Variants in ARHGAP17 observed in about 807,000 individuals in gnomAD.
The protein encoded by ARHGAP17 is rho GTPase-activating protein 17.
Under a neutral mutation model 99.5 loss-of-function variants are expected in ARHGAP17, and 57 were observed. The ratio of observed to expected loss-of-function variants is 0.57; its 90% confidence interval spans 0.46 to 0.71. The LOEUF is 0.71. Ranked by LOEUF, ARHGAP17 falls within the 30% of genes least tolerant of loss-of-function variation. The pLI is 0.00. For synonymous variants in ARHGAP17, 417 were observed against 429.6 expected, an observed-to-expected ratio of 0.97 and a Z score of 0.36; for missense variants, 1,000 against 1,122.4, an observed-to-expected ratio of 0.89 and a Z score of 1.56.
chr16:24,983,708 C>T (rs544516058), intron 1 of ARHGAP17, among the ~76,000 whole-genome samples: 7 of 152,296 alleles, frequency 4.6e-5, no homozygotes, highest in Non-Finnish European at 8.8e-5. Flanking sequence ...CTTGAAAACA[C>T]ACTTGAATGT....
intron 19 of ARHGAP17, among the ~76,000 whole-genome samples, chr16:24,926,915 A>G (rs1203896834): frequency 6.6e-6 from 1 of 152,190 alleles, no homozygotes; most frequent in Non-Finnish European, 1.5e-5. Flanking sequence ...TGAGTTTTTA[A>G]AACCCTGATA....
In ARHGAP17 at chr16:24,943,860, G is replaced by A; in HGVS notation, c.1244C>T (p.Thr415Ile). 6.2e-7 allele frequency: 1 copy of A among 1,614,042 alleles called. No homozygotes were observed. Among genetic ancestry groups the A allele is most frequent in the Non-Finnish European group, 8.5e-7 (1 of 1,179,954 alleles). Residue 415 changes from threonine to isoleucine, a missense_variant and splice_region_variant, in exon 15 of 20, where the codon ACA becomes ATA. Coordinates refer to ENST00000289968, the MANE Select transcript of ARHGAP17 (RefSeq NM_001006634.3). ...PNLLWARNEG[T>I]LAEMAAATSV... ...TGTGGCTGCTGCCATTTCAGCAAGTGTTCTGCAAAGCAAGTTCACAAAATT... is the reference window on the plus strand; with the variant it reads ...TGTGGCTGCTGCCATTTCAGCAAGTATTCTGCAAAGCAAGTTCACAAAATT...
intron 15 of ARHGAP17, 99 bp downstream of exon 15, chr16:24,943,672 G>A (rs546780499): frequency 4.0e-5 from 42 of 1,041,670 alleles, no homozygotes; most frequent in Admixed American, 2.6e-4. Flanking sequence ...AACCAATTAC[G>A]TAATCATGAA....
chr16:25,010,180 A>T (rs773818856), intron 1 of ARHGAP17, among the ~76,000 whole-genome samples: 2 of 151,332 alleles, frequency 1.3e-5, no homozygotes, highest in Non-Finnish European at 2.9e-5. Flanking sequence ...GGCTCAGTTG[A>T]TCCTCCCACC....
intron 13 of ARHGAP17, among the ~76,000 whole-genome samples, chr16:24,948,780 T>G (rs2051548344): frequency 6.6e-6 from 1 of 151,526 alleles, no homozygotes; most frequent in Non-Finnish European, 1.5e-5. Context: ...AGGAAAATTT[T>G]CTAGGGGCAC....
chr16:24,959,915 A>G lies in ARHGAP17; in HGVS notation c.638T>C (p.Val213Ala). 2 of 1,614,124 alleles carry G rather than the reference A, an allele frequency of 1.2e-6. No individual in the cohort carries two copies. Among genetic ancestry groups the G allele is most frequent in the Non-Finnish European group, 1.7e-6 (2 of 1,179,980 alleles). The change falls in exon 8 of 20, where the codon GTT becomes GCT. Residue 213 changes from valine (V) to alanine (A), a missense_variant. By Grantham distance (64) the Val-to-Ala change is moderately conservative. Around this residue, in one of 2 missense-constraint regions of ARHGAP17, gnomAD observed 472 missense variants for 611.1 expected, o/e 0.77. Coordinates refer to ENST00000289968, the MANE Select transcript of ARHGAP17 (RefSeq NM_001006634.3). ...TTCTCAAGGGAAGGTGCTTACCGTA[A>G]CAAAGAATTTGCCATACTCCCCTTC... ...AKEGEYGKFFVTLLEAQADYH... is the reference protein window; with the variant it reads ...AKEGEYGKFFATLLEAQADYH...
At chr16:24,944,526 T>A in intron 14 of ARHGAP17, among the ~76,000 whole-genome samples, 1 of 152,216 alleles carries the variant, frequency 6.6e-6, no homozygotes, top group East Asian at 1.9e-4. Context: ...GTGGTAGCTA[T>A]GTTCTAAGAC....
Position 24,943,802 on chromosome 16 carries a change from G to T in ARHGAP17, c.1302C>A (p.Ile434=), listed in dbSNP as rs183560520. 1 of 1,614,192 alleles carries T rather than the reference G, an allele frequency of 6.2e-7. No homozygotes were observed. The highest frequency in any genetic ancestry group is 2.2e-5 in the East Asian group (1 of 44,886). ...GGAAGAACCAGTCGGCATGCTGAAT[G>T]ATGGGTTCAATCACTGCAACCACAT... ...SVHVVAVIEP[I]IQHADWFFPE... The change falls in exon 15 of 20, where the codon ATC becomes ATA. Residue 434 remains isoleucine (I), a synonymous_variant. Transcript: ENST00000289968.
At chr16:24,926,285 G>C (rs1451535703) in intron 19 of ARHGAP17, among the ~76,000 whole-genome samples, 1 of 151,888 alleles carries the variant, frequency 6.6e-6, no homozygotes, top group Non-Finnish European at 1.5e-5. Flanking sequence ...ATTTGAGACA[G>C]AGTCTCACTC....
intron 14 of ARHGAP17, among the ~76,000 whole-genome samples, chr16:24,945,887 T>C (rs948580372): frequency 9.2e-5 from 14 of 152,210 alleles, no homozygotes; most frequent in Non-Finnish European, 1.8e-4. Context: ...AGTTCCCTGC[T>C]GTGTGACCTT....
At chr16:24,950,176 A>G (rs796857632) in intron 12 of ARHGAP17, among the ~76,000 whole-genome samples, 30 of 152,318 alleles carry the variant, frequency 2.0e-4, no homozygotes, top group African/African-American at 7.0e-4. Flanking sequence ...GGGATTAAAC[A>G]TAATTACACT....
Position 24,920,275 on chromosome 16 carries a change from G to A in ARHGAP17, c.2516-15C>T, listed in dbSNP as rs374258713. On this transcript the variant is annotated splice_polypyrimidine_tract_variant and intron_variant, in intron 19 of 19. Transcript: ENST00000289968. ...GGAATTGGAGTCTGGACAAAAACAC[G>A]AGGAGACATGGTATCAATGAGGGGT... 598 of 1,613,686 alleles carry A rather than the reference G, an allele frequency of 3.7e-4. 1 individual carries two copies. Among genetic ancestry groups the A allele is most frequent in the Non-Finnish European group, 4.5e-4 (532 of 1,179,806 alleles).
At chr16:24,937,622 A>AT (rs1228657129) in intron 17 of ARHGAP17, among the ~76,000 whole-genome samples, 3 of 151,940 alleles carry the variant, frequency 2.0e-5, no homozygotes, top group African/African-American at 4.8e-5. Context: ...TGAAGTCTTA[A>AT]TTTTTTTTAA....
chr16:25,005,059 C>T (rs113394569), intron 1 of ARHGAP17, among the ~76,000 whole-genome samples: 22 of 152,150 alleles, frequency 1.4e-4, no homozygotes, highest in Admixed American at 2.0e-4. Context: ...GGATTACAGG[C>T]GCCTGCCTGC....
rs546997514 is a variant in ARHGAP17 at position 24,989,197 on chromosome 16, T to G, written c.54-10192A>C. Among the ~76,000 whole-genome samples, 76 of 152,308 alleles carry G rather than the reference T, an allele frequency of 5.0e-4. 2 individuals carry two copies. In the South Asian group the frequency reaches 0.015, roughly 30 times the overall value. ...CTGGGCTCTGACTCAGTGCTGTGAC[T>G]GATGGCTGCTGGGGAGGTGCACAGC... On this transcript the variant is annotated intron_variant, in intron 1 of 19. Transcript: ENST00000289968.
rs765114882 is a variant in ARHGAP17 at position 24,959,904 on chromosome 16, TG to T, written c.642+6del. ...GCTTTAACATTTTCTCAAGGGAAGGTGCTTACCGTAACAAAGAATTTGCCAT... is the reference window on the plus strand; with the variant it reads ...GCTTTAACATTTTCTCAAGGGAAGGTCTTACCGTAACAAAGAATTTGCCAT... On this transcript the variant is annotated splice_donor_region_variant and intron_variant, in intron 8 of 19. Transcript: ENST00000289968. 1 of 1,613,752 alleles carries T rather than the reference TG, an allele frequency of 6.2e-7. No homozygotes were observed. The highest frequency in any genetic ancestry group is 8.5e-7 in the Non-Finnish European group (1 of 1,179,746).
Position 24,958,184 on chromosome 16 carries a change from C to A in ARHGAP17, c.724+1487G>T, listed in dbSNP as rs988562011. ...AGGGAAAATACCCTTGGGAAAAAAA[C>A]AGAATGAGAGTTCTAGTCTAGCCTG... On this transcript the variant is annotated intron_variant, in intron 9 of 19. Transcript: ENST00000289968. Among the ~76,000 whole-genome samples the A allele has an allele frequency of 3.9e-5, 6 of 152,084 alleles. No individual in the cohort carries two copies. The East Asian group carries it at 1.2e-3, about 29-fold the overall frequency.
Position 24,977,263 on chromosome 16 carries a change from C to A in ARHGAP17, c.150G>T (p.Leu50Phe). The change falls in exon 3 of 20, where the codon TTG becomes TTT. Residue 50 changes from leucine (L) to phenylalanine (F), a missense_variant. Physicochemically the swap from Leu to Phe is conservative, Grantham distance 22 (BLOSUM62 0). Coordinates refer to ENST00000289968, the MANE Select transcript of ARHGAP17 (RefSeq NM_001006634.3). ...RSICHHSHKR[L>F]VACFQGQHGT... is the part of the protein sequence containing the mutation. The stretch of plus-strand genomic sequence containing the variant: ...CATGCTGGCCCTGGAAACATGCCAC[C>A]AAGCGCTTATGGGAATGGTGGCATA... 1 of 1,597,060 alleles carries A rather than the reference C, an allele frequency of 6.3e-7. No homozygotes were observed. The highest frequency in any genetic ancestry group is 1.1e-5 in the South Asian group (1 of 88,330).
At chr16:24,970,681 T>C (rs1216555372) in intron 3 of ARHGAP17, 101 bp from the exon 4 acceptor site, 2 of 1,086,828 alleles carry the variant, frequency 1.8e-6, no homozygotes, top group Non-Finnish European at 1.4e-6. Context: ...TCCAGGCAAA[T>C]TACACAGGTA....
Sources: gnomAD v4.1 joint callset for allele counts (sites outside exome capture counted in the v4.1 genomes callset) on GRCh38, gnomAD v4.1.1 for gene constraint, gnomAD v4.1.1 regional missense constraint, MANE v1.5 for transcripts, NCBI Gene and HGNC (gene_info 2026-07-23, HGNC 2026-07-21) for gene names.